The following TRPC4 variants were observed in gnomAD, a reference collection of about 807,000 sequenced individuals.
TRPC4 encodes the protein transient receptor potential cation channel subfamily C member 4.
A neutral mutation model predicts 99.4 loss-of-function variants in TRPC4; 49 were observed. The ratio of observed to expected loss-of-function variants is 0.49; its 90% CI spans 0.39 to 0.63. TRPC4 has a LOEUF of 0.63. TRPC4 is among the 20% of genes least tolerant of loss of function. The pLI is 0.00. For missense variants in TRPC4, 898 were observed against 1,152.9 expected (o/e 0.78, Z 3.20); for synonymous variants, 454 against 425.9 (o/e 1.07, Z -0.81).
At chr13:37,703,946 C>T (rs1341375322) in intron 3 of TRPC4, among the ~76,000 whole-genome samples, 1 of 152,096 alleles carries the variant, frequency 6.6e-6, no homozygotes, top group Non-Finnish European at 1.5e-5. Context: ...TAGCCTCAAA[C>T]TGGAACAAGC....
At chr13:37,832,859 A>T (rs1467414469) in intron 1 of TRPC4, among the ~76,000 whole-genome samples, 1 of 152,164 alleles carries the variant, frequency 6.6e-6, no homozygotes, top group African/African-American at 2.4e-5. Flanking sequence ...AGAAAACTAC[A>T]GTATGTATCT....
At chr13:37,659,121 T>C (rs771779708) in intron 6 of TRPC4, among the ~76,000 whole-genome samples, 4 of 152,168 alleles carry the variant, frequency 2.6e-5, no homozygotes, top group Non-Finnish European at 4.4e-5. Context: ...CTCTTTCAAA[T>C]AGCATGTTGA....
At chr13:37,761,626 T>G (rs990100533) in intron 2 of TRPC4, among the ~76,000 whole-genome samples, 1 of 151,896 alleles carries the variant, frequency 6.6e-6, no homozygotes, top group African/African-American at 2.4e-5. Flanking sequence ...TTAGTTCCCA[T>G]AGGGCTGTGG....
At chr13:37,707,442 C>G (rs1260255446) in intron 3 of TRPC4, among the ~76,000 whole-genome samples, 6 of 152,114 alleles carry the variant, frequency 3.9e-5, no homozygotes, top group Admixed American at 1.3e-4. Context: ...TAGGGACTGT[C>G]TCTAAAAGGC....
intron 4 of TRPC4, among the ~76,000 whole-genome samples, chr13:37,682,846 C>T (rs1393110719): frequency 2.0e-5 from 3 of 151,960 alleles, no homozygotes; most frequent in African/African-American, 4.8e-5. Flanking sequence ...AACTCCTGAG[C>T]TCATGCAATG....
intron 3 of TRPC4, among the ~76,000 whole-genome samples, chr13:37,709,862 A>G (rs1954419604): frequency 1.3e-5 from 2 of 152,058 alleles, no homozygotes; most frequent in African/African-American, 4.8e-5. Flanking sequence ...TTTTTAGAAT[A>G]AATGAATAAA....
chr13:37,780,359 CATTT>C (rs1402705161), intron 2 of TRPC4, among the ~76,000 whole-genome samples: 2 of 115,756 alleles, frequency 1.7e-5, no homozygotes, highest in Admixed American at 1.0e-4. Flanking sequence ...TAGGATGTTA[CATTT>C]ATTTTGTTCA....
intron 1 of TRPC4, among the ~76,000 whole-genome samples, chr13:37,837,812 G>A (rs185791060): frequency 1.3e-5 from 2 of 152,276 alleles, no homozygotes; most frequent in Non-Finnish European, 2.9e-5. Context: ...CGAGCCAGGG[G>A]TGGCATGATA....
chr13:37,810,905 A>G (rs1039651109), intron 1 of TRPC4, among the ~76,000 whole-genome samples: 2 of 152,020 alleles, frequency 1.3e-5, no homozygotes, highest in Admixed American at 6.6e-5. Flanking sequence ...TTTGTACTCT[A>G]TGTATTTTAG....
At chr13:37,860,786 A>G (rs1453700820) in intron 1 of TRPC4, among the ~76,000 whole-genome samples, 2 of 151,532 alleles carry the variant, frequency 1.3e-5, no homozygotes, top group African/African-American at 4.8e-5. Flanking sequence ...CTCCAATCCT[A>G]GATCCAATTA....
At chr13:37,733,676 T>A (rs775605699) in intron 3 of TRPC4, among the ~76,000 whole-genome samples, 1 of 152,098 alleles carries the variant, frequency 6.6e-6, no homozygotes, top group Non-Finnish European at 1.5e-5. Context: ...TATGACCTAG[T>A]CTTTGTGTTT....
At chr13:37,862,565 G>A (rs1246743357) in intron 1 of TRPC4, among the ~76,000 whole-genome samples, 2 of 151,506 alleles carry the variant, frequency 1.3e-5, no homozygotes, top group Non-Finnish European at 3.0e-5. Context: ...TAAATGTCAA[G>A]TATAGACTCT....
At chr13:37,667,822 A>G (rs117405357) in intron 5 of TRPC4, among the ~76,000 whole-genome samples, 1 of 152,292 alleles carries the variant, frequency 6.6e-6, no homozygotes, top group East Asian at 1.9e-4. Flanking sequence ...TAATTCCTCA[A>G]ATTAGTCACA....
At chr13:37,846,908 GTTACAC>G (rs1958922290) in intron 1 of TRPC4, among the ~76,000 whole-genome samples, 1 of 151,914 alleles carries the variant, frequency 6.6e-6, no homozygotes, top group African/African-American at 2.4e-5. Flanking sequence ...AATAAGAGTA[GTTACAC>G]TTAGACAAAA....
At chr13:37,842,357 A>AG (rs1958763001) in intron 1 of TRPC4, among the ~76,000 whole-genome samples, 1 of 144,634 alleles carries the variant, frequency 6.9e-6, no homozygotes, top group South Asian at 2.2e-4. Flanking sequence ...AAAAAAAAAA[A>AG]AAAAAAAAAA....
At chr13:37,666,433 G>T (rs776956355) in intron 5 of TRPC4, among the ~76,000 whole-genome samples, 1 of 151,934 alleles carries the variant, frequency 6.6e-6, no homozygotes, top group Non-Finnish European at 1.5e-5. Flanking sequence ...TTCCTGTCAC[G>T]GATTAAGAGA....
At chr13:37,744,708 C>T (rs1289673550) in intron 3 of TRPC4, among the ~76,000 whole-genome samples, 1 of 152,146 alleles carries the variant, frequency 6.6e-6, no homozygotes, top group Non-Finnish European at 1.5e-5. Context: ...ATTCAGAAGT[C>T]TTTCACTTTT....
chr13:37,718,156 T>G (rs73168453), intron 3 of TRPC4, among the ~76,000 whole-genome samples: 6,176 of 151,920 alleles, frequency 0.041, 193 homozygotes, highest in Middle Eastern at 0.082. Context: ...GAAAAAAGAT[T>G]CCCAAATTCT....
chr13:37,674,551 A>G (rs894091035), intron 4 of TRPC4, among the ~76,000 whole-genome samples, 184 bp from the exon 5 acceptor site: 8 of 152,190 alleles, frequency 5.3e-5, no homozygotes, highest in African/African-American at 1.7e-4. Context: ...TTCAGATACT[A>G]AGCTAATTCT....
Sources: allele counts gnomAD v4.1 joint callset (sites outside exome capture counted in the v4.1 genomes callset), GRCh38; gene constraint gnomAD v4.1.1; transcripts MANE v1.5; gene names NCBI Gene and HGNC (gene_info 2026-07-23, HGNC 2026-07-21).